TUSC3: variants seen among roughly 807,000 people sequenced by gnomAD.
The protein encoded by TUSC3 is tumor suppressor candidate 3.
TUSC3 carries 45 observed loss-of-function variants against 44.8 expected under a neutral mutation model. That is an observed-to-expected ratio of 1.00 (90% CI 0.79 to 1.29). The LOEUF (loss-of-function observed/expected upper bound fraction) is 1.29. Among genes scored for constraint, TUSC3 ranks in the 50% most tolerant of loss-of-function variants. The pLI is 0.00. For missense variants in TUSC3, 519 were observed against 437.9 expected (o/e 1.19, Z -1.65); for synonymous variants, 212 against 152.9 (o/e 1.39, Z -2.85).
intron 5 of TUSC3, among the ~76,000 whole-genome samples, chr8:15,669,745 T>A (rs376258123): frequency 2.6e-5 from 4 of 151,846 alleles, no homozygotes; most frequent in African/African-American, 9.6e-5. Context: ...ACATCATATT[T>A]GGCAACTTCC....
intron 7 of TUSC3, among the ~76,000 whole-genome samples, chr8:15,735,809 C>T (rs1049270022): frequency 6.6e-6 from 1 of 152,180 alleles, no homozygotes; most frequent in Non-Finnish European, 1.5e-5. Flanking sequence ...ACGCCATTCT[C>T]CTGCCTCAGC....
At chr8:15,830,442 A>G in the TUSC3 span, among the ~76,000 whole-genome samples, 1 of 152,176 alleles carries the variant, frequency 6.6e-6, no homozygotes, top group South Asian at 2.1e-4. Flanking sequence ...TCTTTAATCC[A>G]AAAAGACACC....
the TUSC3 span, among the ~76,000 whole-genome samples, chr8:15,839,223 T>C: frequency 2.0e-5 from 3 of 152,328 alleles, no homozygotes; most frequent in Admixed American, 2.0e-4. Context: ...CCTGAGACTT[T>C]GGTGAAGTTC....
intron 5 of TUSC3, 103 bp downstream of exon 5, chr8:15,662,399 A>C (rs1807463488): frequency 6.7e-7 from 1 of 1,500,570 alleles, no homozygotes; most frequent in African/African-American, 1.4e-5. Flanking sequence ...AATAGAACTT[A>C]AGTCTGAATG....
intron 1 of TUSC3, among the ~76,000 whole-genome samples, chr8:15,587,811 T>C (rs372547164): frequency 1.3e-5 from 2 of 152,144 alleles, no homozygotes; most frequent in East Asian, 3.9e-4. Context: ...ATTGAGAACA[T>C]ATATGATTTA....
At chr8:15,427,353 G>C (rs1157844750) in intron 1 of TUSC3, among the ~76,000 whole-genome samples, 1 of 151,806 alleles carries the variant, frequency 6.6e-6, no homozygotes, top group Non-Finnish European at 1.5e-5. Context: ...GCCATCAGGT[G>C]ATGGACAAGC....
rs574606100 is a variant in TUSC3, at chr8:15,566,842, A to T, written c.138+26274A>T. 7.9e-5 allele frequency among the ~76,000 whole-genome samples: 12 copies of T among 152,258 alleles called. No individual in the cohort carries two copies. The South Asian group carries it at 2.5e-3, about 32-fold the overall frequency. On this transcript the variant is annotated intron_variant, in intron 1 of 10. Transcript: ENST00000503731. ...GAGACAGGATTTTACCATGTTTCCCAGGCTGCTCTTAAATTTCTGGGATCC... is the reference window on the plus strand; with the variant it reads ...GAGACAGGATTTTACCATGTTTCCCTGGCTGCTCTTAAATTTCTGGGATCC...
rs1253520500 is a variant in TUSC3 at position 15,437,714 on chromosome 8, T to C, written n.91+20409T>C. 2.0e-5 allele frequency among the ~76,000 whole-genome samples: 3 copies of C among 152,198 alleles called. No individual in the cohort carries two copies. The East Asian group carries it at 5.8e-4, about 29-fold the overall frequency. On this transcript the variant is annotated intron_variant and non_coding_transcript_variant, in intron 1 of 5. Coordinates refer to the TUSC3 transcript ENST00000503191. ...ACACTTGGCCCTGTATCCTTCCAGC[T>C]GCACCCTTTGGAAGCACTGGAAAGT... is the stretch of plus-strand genomic sequence containing the variant.
At chr8:15,538,299 G>T (rs376780904), upstream of TUSC3, among the ~76,000 whole-genome samples, 5 of 152,216 alleles carry the variant, frequency 3.3e-5, no homozygotes, top group East Asian at 7.7e-4. Context: ...TTCTGGTTCA[G>T]AGTGCTGCAG....
chr8:15,662,909 G>A (rs900506366), intron 5 of TUSC3, among the ~76,000 whole-genome samples: 3 of 151,868 alleles, frequency 2.0e-5, no homozygotes, highest in Non-Finnish European at 2.9e-5. Flanking sequence ...GCTGAATTCT[G>A]TAGAAGAAAA....
At chr8:15,618,059 A>G (rs1172375331) in intron 1 of TUSC3, among the ~76,000 whole-genome samples, 2 of 152,164 alleles carry the variant, frequency 1.3e-5, no homozygotes, top group Non-Finnish European at 2.9e-5. Flanking sequence ...CAGCAAAGAT[A>G]TGGTATAAAA....
In TUSC3 at chr8:15,638,497, C is replaced by CT. The variant is rs1202162302; in HGVS notation, c.309-12191dup. 8.1e-5 allele frequency among the ~76,000 whole-genome samples: 11 copies of CT among 135,556 alleles called. No individual in the cohort carries two copies. In the East Asian group the frequency reaches 1.1e-3, roughly 14 times the overall value. 88.9% of individuals were successfully genotyped at this position (135,556 alleles called of 152,430 possible). On this transcript the variant is annotated intron_variant, in intron 2 of 10. Coordinates refer to ENST00000503731, the MANE Select transcript of TUSC3 (RefSeq NM_006765.4). ...CAGAAGGAAGTTCTTTGAAGACAAA[C>CT]TTTTTTTTTCTTTTTTTCTTTTTTT...
chr8:15,428,763 G>A lies in TUSC3; in HGVS notation n.91+11458G>A, dbSNP rs533875610. On this transcript the variant is annotated intron_variant and non_coding_transcript_variant, in intron 1 of 5. Coordinates refer to the TUSC3 transcript ENST00000503191. Reference sequence around the variant, plus strand: ...TCATGTGTCTTTTGGCTGCATAAATGTCGTCTTTTGAGAAGTGTCTGTTCA... The same window carrying A: ...TCATGTGTCTTTTGGCTGCATAAATATCGTCTTTTGAGAAGTGTCTGTTCA... Among the ~76,000 whole-genome samples the A allele has an allele frequency of 3.5e-3, 531 of 152,244 alleles. 2 individuals carry two copies. Among genetic ancestry groups the A allele is most frequent in the African/African-American group, 0.012 (516 of 41,534 alleles).
chr8:15,434,486 C>T (rs542669497), intron 1 of TUSC3, among the ~76,000 whole-genome samples: 1 of 149,056 alleles, frequency 6.7e-6, no homozygotes, highest in African/African-American at 2.5e-5. Flanking sequence ...TTGTTTTATT[C>T]ACTAACCTGA....
the TUSC3 span, among the ~76,000 whole-genome samples, chr8:15,851,865 G>A: frequency 6.6e-6 from 1 of 152,128 alleles, no homozygotes; most frequent in African/African-American, 2.4e-5. Flanking sequence ...GACCCAGTGG[G>A]AGATAACTGA....
intron 6 of TUSC3, among the ~76,000 whole-genome samples, chr8:15,695,921 G>C (rs916262265): frequency 6.6e-6 from 1 of 152,160 alleles, no homozygotes; most frequent in Non-Finnish European, 1.5e-5. Context: ...AGTGAGGTGG[G>C]TGCTGTTAAA....
At chr8:15,601,240 A>G (rs569674330) in intron 1 of TUSC3, among the ~76,000 whole-genome samples, 129 of 151,748 alleles carry the variant, frequency 8.5e-4, no homozygotes, top group African/African-American at 3.0e-3. Context: ...TGGCTGGGTA[A>G]TTTATGTTTG....
At chr8:15,804,562 C>A in the TUSC3 span, among the ~76,000 whole-genome samples, 1 of 152,250 alleles carries the variant, frequency 6.6e-6, no homozygotes. Context: ...ATTCCAACAC[C>A]ATTTATTGAA....
chr8:15,564,797 A>C (rs2129141246), intron 1 of TUSC3, among the ~76,000 whole-genome samples: 1 of 152,082 alleles, frequency 6.6e-6, no homozygotes, highest in Non-Finnish European at 1.5e-5. Flanking sequence ...CTTGTGCTGG[A>C]GTGTCCACTC....
Sources: gnomAD v4.1 joint callset for allele counts (sites outside exome capture counted in the v4.1 genomes callset) on GRCh38, gnomAD v4.1.1 for gene constraint, MANE v1.5 for transcripts, NCBI Gene and HGNC (gene_info 2026-07-23, HGNC 2026-07-21) for gene names.